The following SLC4A4 variants were observed in gnomAD, a reference collection of about 807,000 sequenced individuals.
SLC4A4 encodes solute carrier family 4 member 4.
A neutral mutation model predicts 111.5 loss-of-function variants in SLC4A4; 27 were observed. That is an observed-to-expected ratio of 0.24 (90% CI 0.18 to 0.33). SLC4A4 has a LOEUF of 0.33. Ranked by LOEUF, SLC4A4 falls within the 10% of genes least tolerant of loss-of-function variation. SLC4A4 has a pLI of 1.00. For synonymous variants in SLC4A4, 443 were observed against 463.4 expected (o/e 0.96, Z 0.57); for missense variants, 909 against 1,315.5 (o/e 0.69, Z 4.78).
intron 3 of SLC4A4, among the ~76,000 whole-genome samples, chr4:71,274,668 A>G (rs896731301): frequency 6.6e-6 from 1 of 152,140 alleles, no homozygotes; most frequent in African/African-American, 2.4e-5. Flanking sequence ...TAGAGCAGAG[A>G]AAACACTCAA....
intron 1 of SLC4A4, among the ~76,000 whole-genome samples, chr4:71,091,671 A>G (rs1047407032): frequency 3.3e-5 from 5 of 152,156 alleles, no homozygotes; most frequent in African/African-American, 1.2e-4. Flanking sequence ...CAGCGTTTCT[A>G]TGGACATTCT....
chr4:71,388,837 C>G (rs1172609013), intron 6 of SLC4A4, among the ~76,000 whole-genome samples: 1 of 152,176 alleles, frequency 6.6e-6, no homozygotes, highest in Non-Finnish European at 1.5e-5. Context: ...AGGCATGAGC[C>G]ACCATGCCTG....
At chr4:71,202,454 G>A (rs557576998) in intron 1 of SLC4A4, among the ~76,000 whole-genome samples, 1 of 152,240 alleles carries the variant, frequency 6.6e-6, no homozygotes, top group South Asian at 2.1e-4. Flanking sequence ...ATTTTTAAGG[G>A]ACTATCTAAT....
At chr4:71,176,123 A>T (rs2148984831) in intron 2 of SLC4A4, among the ~76,000 whole-genome samples, 1 of 152,332 alleles carries the variant, frequency 6.6e-6, no homozygotes, top group Middle Eastern at 3.4e-3. Context: ...GAGGGTCCTG[A>T]CTGTTAGAAG....
At chr4:71,175,384 G>C (rs1247941199) in intron 2 of SLC4A4, among the ~76,000 whole-genome samples, 1 of 152,224 alleles carries the variant, frequency 6.6e-6, no homozygotes, top group African/African-American at 2.4e-5. Context: ...GCGAGGCATC[G>C]CCTCACCCAG....
intron 1 of SLC4A4, among the ~76,000 whole-genome samples, chr4:71,188,250 G>A (rs753088470): frequency 9.9e-5 from 15 of 152,176 alleles, no homozygotes; most frequent in Non-Finnish European, 1.8e-4. Context: ...TGAACTTGAC[G>A]TGAAAGATGG....
chr4:71,077,321 C>T (rs571558751), intron 1 of SLC4A4, among the ~76,000 whole-genome samples: 48 of 151,942 alleles, frequency 3.2e-4, no homozygotes, highest in South Asian at 8.3e-4. Context: ...CCCCCATGCT[C>T]GGCTAATTTT....
chr4:71,363,809 G>C (rs781222895), intron 6 of SLC4A4, among the ~76,000 whole-genome samples: 10 of 152,040 alleles, frequency 6.6e-5, no homozygotes, highest in Non-Finnish European at 1.2e-4. Context: ...CCCAAATAAC[G>C]ATCAAGCTCT....
At chr4:71,481,511 C>T (rs990424450) in intron 14 of SLC4A4, among the ~76,000 whole-genome samples, 5 of 151,686 alleles carry the variant, frequency 3.3e-5, no homozygotes, top group African/African-American at 9.7e-5. Flanking sequence ...TCTCACAGCT[C>T]CCACAACTGC....
rs10015140 is a variant in SLC4A4, at chr4:71,466,277, A to G, written c.1498-167A>G. Among the ~76,000 whole-genome samples the G allele has an allele frequency of 0.15, 22,083 of 152,124 alleles. 1,944 individuals carry two copies. The highest frequency in any genetic ancestry group is 0.31 in the South Asian group (1,483 of 4,810). On this transcript the variant is annotated intron_variant, in intron 12 of 25. Transcript: ENST00000264485. ...ATTGTAGGTGAAATAAATGTGAAAT[A>G]AGTGGTGGCAATATGCATATGGGTA...
intron 2 of SLC4A4, among the ~76,000 whole-genome samples, chr4:71,123,318 T>C (rs1332051652): frequency 6.6e-6 from 1 of 152,194 alleles, no homozygotes; most frequent in Non-Finnish European, 1.5e-5. Flanking sequence ...CATTGTAATA[T>C]GCTAGGGAAA....
intron 1 of SLC4A4, among the ~76,000 whole-genome samples, chr4:71,227,429 C>G (rs1298427388): frequency 6.6e-6 from 1 of 152,084 alleles, no homozygotes; most frequent in Non-Finnish European, 1.5e-5. Context: ...GAGTTCAGAT[C>G]CAGGGAGCCC....
chr4:71,348,952 A>G (rs1467787147), intron 4 of SLC4A4, among the ~76,000 whole-genome samples: 2 of 152,156 alleles, frequency 1.3e-5, no homozygotes, highest in Admixed American at 6.5e-5. Flanking sequence ...TATCTCTTTC[A>G]ATATCTCTCA....
At chr4:71,361,749 G>A (rs1048729263) in intron 6 of SLC4A4, among the ~76,000 whole-genome samples, 9 of 152,224 alleles carry the variant, frequency 5.9e-5, no homozygotes, top group African/African-American at 2.2e-4. Flanking sequence ...GTATTATTTA[G>A]TGTATTATGA....
At chr4:71,448,826 C>G (rs1725498550) in intron 9 of SLC4A4, among the ~76,000 whole-genome samples, 2 of 152,144 alleles carry the variant, frequency 1.3e-5, no homozygotes, top group Admixed American at 1.3e-4. Flanking sequence ...GTACCTTTCT[C>G]CTTAGTTATA....
At chr4:71,549,653 A>G (rs1381148869) in intron 20 of SLC4A4, among the ~76,000 whole-genome samples, 2 of 151,908 alleles carry the variant, frequency 1.3e-5, no homozygotes, top group African/African-American at 2.4e-5. Context: ...TTTTGTGTGT[A>G]TATGTTACAG....
chr4:71,313,670 A>T (rs1726407387), intron 3 of SLC4A4, among the ~76,000 whole-genome samples: 1 of 152,234 alleles, frequency 6.6e-6, no homozygotes, highest in Non-Finnish European at 1.5e-5. Context: ...GCAATGGGGA[A>T]AGGATTCCCT....
intron 6 of SLC4A4, among the ~76,000 whole-genome samples, chr4:71,378,201 A>T (rs986378776): frequency 5.9e-5 from 9 of 152,230 alleles, no homozygotes; most frequent in Non-Finnish European, 1.3e-4. Context: ...ACTTTGAAGA[A>T]TGATTATGCT....
chr4:71,435,573 C>T (rs1724056607), intron 7 of SLC4A4, among the ~76,000 whole-genome samples: 1 of 152,190 alleles, frequency 6.6e-6, no homozygotes, highest in South Asian at 2.1e-4. Context: ...TCTAATTAAA[C>T]AGAAGAGCTT....
Sources: allele counts gnomAD v4.1 joint callset (sites outside exome capture counted in the v4.1 genomes callset), GRCh38; gene constraint gnomAD v4.1.1; transcripts MANE v1.5; gene names NCBI Gene and HGNC (gene_info 2026-07-23, HGNC 2026-07-21).